The following RFX3 variants were observed in gnomAD, a reference collection of about 807,000 sequenced individuals.
RFX3 encodes transcription factor RFX3.
In RFX3, 14 loss-of-function variants were observed where a neutral mutation model predicts 98.6. The ratio of observed to expected loss-of-function variants is 0.14; its 90% CI spans 0.09 to 0.22. RFX3 has a LOEUF of 0.22. Among genes scored for constraint, RFX3 ranks in the 10% least tolerant of loss-of-function variants. The pLI, the probability that RFX3 is intolerant of heterozygous loss-of-function variation, is 1.00. For synonymous variants in RFX3, 383 were observed against 328.4 expected (o/e 1.17, Z -1.80); for missense variants, 639 against 926.9 (o/e 0.69, Z 4.03).
intron 2 of RFX3, among the ~76,000 whole-genome samples, chr9:3,388,083 A>C (rs925520992): frequency 2.0e-5 from 3 of 152,158 alleles, no homozygotes; most frequent in South Asian, 4.1e-4. Context: ...AAACTTTATC[A>C]TCGGTATAAT....
chr9:3,319,296 T>TTTTTTTTTTTTTTTTTTTTTGAG (rs1830990157), intron 4 of RFX3, among the ~76,000 whole-genome samples: 1 of 152,184 alleles, frequency 6.6e-6, no homozygotes, highest in African/African-American at 2.4e-5. Flanking sequence ...AGATGTGTTT[T>TTTTTTTTTTTTTTTTTTTTTGAG]AATCAATGCT....
At chr9:3,453,147 T>G (rs1456890745) in intron 1 of RFX3, among the ~76,000 whole-genome samples, 1 of 152,014 alleles carries the variant, frequency 6.6e-6, no homozygotes, top group East Asian at 1.9e-4. Context: ...GCCCATCTAT[T>G]ATGGTCATTA....
intron 2 of RFX3, among the ~76,000 whole-genome samples, chr9:3,393,358 A>G (rs1450226321): frequency 6.6e-6 from 1 of 152,078 alleles, no homozygotes; most frequent in Non-Finnish European, 1.5e-5. Context: ...TGGTGTAAAT[A>G]TTTGATAATA....
At chr9:3,380,638 T>A (rs1839083456) in intron 2 of RFX3, among the ~76,000 whole-genome samples, 1 of 152,194 alleles carries the variant, frequency 6.6e-6, no homozygotes, top group Non-Finnish European at 1.5e-5. Context: ...ATATCTCTAA[T>A]ATTTTACAGC....
Position 3,291,321 on chromosome 9 carries a change from G to C in RFX3, c.731+1756C>G, listed in dbSNP as rs192113141. ...CGGGGGGCAGAGGTTGCAGTGAGCT[G>C]AGATTGGGGCACTGCACTCCAGCCT... On this transcript the variant is annotated intron_variant, in intron 6 of 16. Coordinates refer to ENST00000617270, the MANE Select transcript of RFX3 (RefSeq NM_001282116.2). Among the ~76,000 whole-genome samples, 261 of 152,234 alleles carry C rather than the reference G, an allele frequency of 1.7e-3. 4 individuals carry two copies. The highest frequency in any genetic ancestry group is 6.1e-3 in the African/African-American group (253 of 41,548).
intron 1 of RFX3, among the ~76,000 whole-genome samples, chr9:3,484,105 AAGACCTTT>A (rs1850045872): frequency 6.6e-6 from 1 of 152,222 alleles, no homozygotes; most frequent in Admixed American, 6.5e-5. Context: ...AGGATATATA[AAGACCTTT>A]ACATAGCTTC....
At chr9:3,469,913 C>T (rs1052677017) in intron 1 of RFX3, among the ~76,000 whole-genome samples, 1 of 151,826 alleles carries the variant, frequency 6.6e-6, no homozygotes. Context: ...GAAGCCTTTT[C>T]GAAGTACACC....
chr9:3,499,078 T>G (rs1001411599), intron 1 of RFX3, among the ~76,000 whole-genome samples: 1 of 152,102 alleles, frequency 6.6e-6, no homozygotes, highest in African/African-American at 2.4e-5. Context: ...ATTCAAAATG[T>G]ATCCTCAGAA....
At chr9:3,456,935 T>G (rs1035093376) in intron 1 of RFX3, among the ~76,000 whole-genome samples, 4 of 151,112 alleles carry the variant, frequency 2.6e-5, no homozygotes, top group Non-Finnish European at 3.0e-5. Flanking sequence ...GATCATGAGG[T>G]CAAGAGATCG....
chr9:3,418,143 T>C (rs1037785927), intron 1 of RFX3, among the ~76,000 whole-genome samples: 2 of 152,170 alleles, frequency 1.3e-5, no homozygotes, highest in African/African-American at 4.8e-5. Context: ...TTTACCACAG[T>C]TGAGTAGCCA....
intron 1 of RFX3, among the ~76,000 whole-genome samples, chr9:3,407,606 T>C (rs539597005): frequency 7.4e-4 from 113 of 152,290 alleles, no homozygotes; most frequent in African/African-American, 2.6e-3. Context: ...GCTAATAATA[T>C]GACAACAATT....
chr9:3,227,138 G>A (rs1817873692), intron 16 of RFX3, among the ~76,000 whole-genome samples: 1 of 152,144 alleles, frequency 6.6e-6, no homozygotes, highest in Non-Finnish European at 1.5e-5. Flanking sequence ...CCTGTCCACA[G>A]ACTTCCCTGT....
chr9:3,356,062 A>C (rs2131312721), intron 2 of RFX3, among the ~76,000 whole-genome samples: 1 of 122,518 alleles, frequency 8.2e-6, no homozygotes, highest in East Asian at 2.5e-4. Flanking sequence ...TTATAACTTT[A>C]AATATATATA....
intron 1 of RFX3, among the ~76,000 whole-genome samples, chr9:3,403,137 C>T (rs1183384166): frequency 6.6e-6 from 1 of 151,986 alleles, no homozygotes; most frequent in African/African-American, 2.4e-5. Context: ...ATTGCTTCAC[C>T]TACGAATATA....
chr9:3,390,289 G>A (rs1222471754), intron 2 of RFX3, among the ~76,000 whole-genome samples: 2 of 152,150 alleles, frequency 1.3e-5, no homozygotes, highest in African/African-American at 2.4e-5. Context: ...ACCCCAAAAT[G>A]TCAAAGTGTA....
At chr9:3,396,321 G>C (rs1840869679) in intron 1 of RFX3, among the ~76,000 whole-genome samples, 2 of 152,160 alleles carry the variant, frequency 1.3e-5, no homozygotes, top group African/African-American at 4.8e-5. Flanking sequence ...ATAGTTTGCT[G>C]AGAATGATGG....
chr9:3,350,145 C>T (rs1834938389), intron 2 of RFX3, among the ~76,000 whole-genome samples: 1 of 151,986 alleles, frequency 6.6e-6, no homozygotes, highest in South Asian at 2.1e-4. Context: ...TGGAAAATTT[C>T]TACTTTGAAA....
chr9:3,259,507 G>GAA lies in RFX3; in HGVS notation c.1606-2310_1606-2309dup, dbSNP rs34394241. ...GACACTTAGAGATGTTCTTAAATTA[G>GAA]AAAAAAAAAATATCCAAAATGAAAA... On this transcript the variant is annotated intron_variant, in intron 13 of 16. Transcript: ENST00000617270. 3.8e-3 allele frequency among the ~76,000 whole-genome samples: 572 copies of GAA among 148,950 alleles called. 4 individuals are homozygous for GAA. Among genetic ancestry groups the GAA allele is most frequent in the Middle Eastern group, 0.01 (3 of 292 alleles).
At chr9:3,226,069 C>T (rs1224403061) in intron 16 of RFX3, among the ~76,000 whole-genome samples, 1 of 152,054 alleles carries the variant, frequency 6.6e-6, no homozygotes, top group African/African-American at 2.4e-5. Flanking sequence ...TGTTAAAATT[C>T]AAAAGTACAT....
Sources: gnomAD v4.1 joint callset for allele counts (sites outside exome capture counted in the v4.1 genomes callset) on GRCh38, gnomAD v4.1.1 for gene constraint, MANE v1.5 for transcripts, NCBI Gene and HGNC (gene_info 2026-07-23, HGNC 2026-07-21) for gene names.